SLC14A2: variants seen among roughly 807,000 people sequenced by gnomAD.
SLC14A2 encodes the protein solute carrier family 14 member 2, also known as urea transporter 2.
In SLC14A2, 91 loss-of-function variants were observed where a neutral mutation model predicts 104.6. The observed-to-expected ratio is 0.87, with a 90% CI of 0.73 to 1.04. SLC14A2 has a LOEUF of 1.04. SLC14A2 is among the 50% of genes least tolerant of loss of function. The pLI is 0.00. For synonymous variants in SLC14A2, 476 were observed against 466.4 expected, an observed-to-expected ratio of 1.02 and a Z score of -0.27; for missense variants, 1,189 against 1,156.0, an observed-to-expected ratio of 1.03 and a Z score of -0.41.
intron 14 of SLC14A2, 62 bp from the exon 15 acceptor site, chr18:45,668,287 T>A: frequency 6.3e-7 from 1 of 1,593,094 alleles, no homozygotes; most frequent in Non-Finnish European, 8.6e-7. Context: ...TCTGACTCAA[T>A]AGGAAAATGT....
chr18:45,660,702 C>G (rs2045923483), intron 10 of SLC14A2, among the ~76,000 whole-genome samples: 1 of 152,190 alleles, frequency 6.6e-6, no homozygotes, highest in South Asian at 2.1e-4. Context: ...CTGGTTCCCA[C>G]CAGTGTTACT....
chr18:45,571,441 C>T (rs1248781967), intron 2 of SLC14A2, among the ~76,000 whole-genome samples: 1 of 152,246 alleles, frequency 6.6e-6, no homozygotes, highest in Non-Finnish European at 1.5e-5. Flanking sequence ...TCTAGTTCTC[C>T]TCTCCTGACA....
intron 2 of SLC14A2, among the ~76,000 whole-genome samples, chr18:45,509,295 T>G (rs1365128694): frequency 6.6e-6 from 1 of 152,060 alleles, no homozygotes; most frequent in Non-Finnish European, 1.5e-5. Context: ...CCTATATATA[T>G]ATATCTCTCT....
At chr18:45,383,074 T>A (rs574208068) in intron 1 of SLC14A2, among the ~76,000 whole-genome samples, 10 of 152,282 alleles carry the variant, frequency 6.6e-5, no homozygotes, top group African/African-American at 2.2e-4. Flanking sequence ...GTGCTGCACA[T>A]TTGCCTGCCC....
At chr18:45,581,311 C>G (rs908070520) in intron 2 of SLC14A2, among the ~76,000 whole-genome samples, 5 of 152,150 alleles carry the variant, frequency 3.3e-5, no homozygotes, top group Non-Finnish European at 7.3e-5. Flanking sequence ...GGGGGACAGA[C>G]AGAGAAGCAA....
At chr18:45,460,843 T>G (rs1007580751) in intron 1 of SLC14A2, among the ~76,000 whole-genome samples, 8 of 152,320 alleles carry the variant, frequency 5.3e-5, no homozygotes, top group African/African-American at 1.4e-4. Context: ...TAAGATTTTA[T>G]TGGCTTCTGC....
chr18:45,671,627 C>T (rs73953620), intron 16 of SLC14A2, among the ~76,000 whole-genome samples: 5 of 152,258 alleles, frequency 3.3e-5, no homozygotes, highest in Admixed American at 6.5e-5. Flanking sequence ...GGCCAGAGCC[C>T]TCATTCTGTT....
intron 8 of SLC14A2, among the ~76,000 whole-genome samples, chr18:45,641,763 T>C (rs1232643307): frequency 1.3e-5 from 2 of 152,188 alleles, no homozygotes; most frequent in South Asian, 2.1e-4. Flanking sequence ...ATTGCACAAA[T>C]AATTACTAAG....
At chr18:45,525,597 C>T (rs941953950) in intron 2 of SLC14A2, among the ~76,000 whole-genome samples, 4 of 152,186 alleles carry the variant, frequency 2.6e-5, no homozygotes, top group African/African-American at 7.2e-5. Flanking sequence ...TAAAAATATG[C>T]TTATATCACC....
At chr18:45,192,008 C>G in the SLC14A2 span, among the ~76,000 whole-genome samples, 1 of 152,256 alleles carries the variant, frequency 6.6e-6, no homozygotes, top group South Asian at 2.1e-4. Flanking sequence ...GTAAATAAAA[C>G]TTGTCTATTG....
intron 1 of SLC14A2, among the ~76,000 whole-genome samples, chr18:45,297,856 C>T (rs1284869212): frequency 3.3e-5 from 5 of 152,140 alleles, no homozygotes; most frequent in Admixed American, 3.3e-4. Context: ...GAACTGACCA[C>T]ATGGTTTGGC....
chr18:45,395,603 T>A (rs2086020825), intron 1 of SLC14A2, among the ~76,000 whole-genome samples: 1 of 152,310 alleles, frequency 6.6e-6, no homozygotes, highest in East Asian at 1.9e-4. Flanking sequence ...TCCAAACTTT[T>A]TTTTTGTTTT....
At chr18:45,548,737 C>T (rs758245570) in intron 2 of SLC14A2, among the ~76,000 whole-genome samples, 9 of 152,136 alleles carry the variant, frequency 5.9e-5, no homozygotes, top group Non-Finnish European at 1.0e-4. Context: ...TACAGCTACC[C>T]GGGATCAGAG....
At chr18:45,488,680 C>T (rs1471913313) in intron 2 of SLC14A2, among the ~76,000 whole-genome samples, 1 of 152,182 alleles carries the variant, frequency 6.6e-6, no homozygotes, top group Non-Finnish European at 1.5e-5. Flanking sequence ...ACCTGAGTAG[C>T]AAGGGTTAAA....
At chr18:45,506,264 C>T (rs1487667995) in intron 2 of SLC14A2, among the ~76,000 whole-genome samples, 1 of 152,170 alleles carries the variant, frequency 6.6e-6, no homozygotes, top group Non-Finnish European at 1.5e-5. Context: ...GAAAACCCAA[C>T]CTTCTTCTCC....
intron 1 of SLC14A2, among the ~76,000 whole-genome samples, chr18:45,293,353 G>C (rs2084889162): frequency 6.6e-6 from 1 of 151,938 alleles, no homozygotes; most frequent in South Asian, 2.1e-4. Flanking sequence ...AGGTACTGGG[G>C]GAAAAGTGGT....
At chr18:45,679,918 T>C (rs945175298) in intron 19 of SLC14A2, among the ~76,000 whole-genome samples, 5 of 152,200 alleles carry the variant, frequency 3.3e-5, no homozygotes, top group Admixed American at 1.3e-4. Context: ...CTAGTACTCA[T>C]TGGTCTTCTT....
At chr18:45,450,408 C>A (rs2086839003) in intron 1 of SLC14A2, among the ~76,000 whole-genome samples, 1 of 152,200 alleles carries the variant, frequency 6.6e-6, no homozygotes, top group Non-Finnish European at 1.5e-5. Flanking sequence ...GGTAATCACT[C>A]TGAAGACAAT....
intron 2 of SLC14A2, among the ~76,000 whole-genome samples, chr18:45,530,803 C>A (rs1360793944): frequency 1.3e-5 from 2 of 152,072 alleles, no homozygotes; most frequent in African/African-American, 4.8e-5. Flanking sequence ...AACCCATTAA[C>A]TCGTCATTTA....
Sources: gnomAD v4.1 joint callset for allele counts (sites outside exome capture counted in the v4.1 genomes callset) on GRCh38, gnomAD v4.1.1 for gene constraint, MANE v1.5 for transcripts, NCBI Gene and HGNC (gene_info 2026-07-23, HGNC 2026-07-21) for gene names.